Variants in PCDHGB3 observed in about 807,000 individuals in gnomAD.
The protein encoded by PCDHGB3 is protocadherin gamma-B3.
In PCDHGB3, 40 loss-of-function variants were observed where a neutral mutation model predicts 59.2. The observed-to-expected ratio is 0.68, with a 90% CI of 0.52 to 0.88. The LOEUF (loss-of-function observed/expected upper bound fraction) is 0.88. PCDHGB3 is among the 40% of genes least tolerant of loss of function. PCDHGB3 has a pLI of 0.00. For synonymous variants in PCDHGB3, 581 were observed against 503.6 expected, an observed-to-expected ratio of 1.15 and a Z score of -2.06; for missense variants, 1,309 against 1,187.9, an observed-to-expected ratio of 1.10 and a Z score of -1.50.
At chr5:141,474,148 A>G (rs773360112) in intron 1 of PCDHGB3, among the ~76,000 whole-genome samples, 4 of 152,244 alleles carry the variant, frequency 2.6e-5, no homozygotes, top group Non-Finnish European at 5.9e-5. Context: ...CTTATTATCA[A>G]GAAAATGACA....
At chr5:141,409,614 T>C in intron 1 of PCDHGB3, 1 of 1,613,880 alleles carries the variant, frequency 6.2e-7, no homozygotes, top group Non-Finnish European at 8.5e-7. Flanking sequence ...GGAGCCTCCA[T>C]TGCGCAAGTG....
chr5:141,468,229 G>A (rs1363462610), intron 1 of PCDHGB3, among the ~76,000 whole-genome samples: 4 of 150,884 alleles, frequency 2.7e-5, no homozygotes, highest in Non-Finnish European at 5.9e-5. Flanking sequence ...GGAGGATGAG[G>A]TAGGAGAATT....
intron 1 of PCDHGB3, chr5:141,408,100 G>A (rs1474827605): frequency 9.7e-6 from 14 of 1,438,178 alleles, no homozygotes; most frequent in African/African-American, 1.4e-5. Context: ...CCAGCTCCGA[G>A]ACCCGGGACT....
intron 1 of PCDHGB3, among the ~76,000 whole-genome samples, chr5:141,483,778 G>T (rs1012545478): frequency 1.6e-4 from 24 of 152,222 alleles, no homozygotes; most frequent in African/African-American, 5.8e-4. Context: ...ATTGGGGAAG[G>T]ATAAGAACTC....
chr5:141,482,981 A>C (rs1377809325), intron 1 of PCDHGB3, among the ~76,000 whole-genome samples: 1 of 150,250 alleles, frequency 6.7e-6, no homozygotes, highest in Non-Finnish European at 1.5e-5. Context: ...GCTACTTGAG[A>C]GGTCGAGGCA....
intron 1 of PCDHGB3, chr5:141,408,692 A>C: frequency 6.2e-7 from 1 of 1,613,906 alleles, no homozygotes; most frequent in Non-Finnish European, 8.5e-7. Context: ...TGATATAAAC[A>C]TAAACTCAAT....
intron 1 of PCDHGB3, chr5:141,413,755 A>G: frequency 1.2e-6 from 2 of 1,612,936 alleles, no homozygotes; most frequent in Non-Finnish European, 1.7e-6. Context: ...CAATGGCGTC[A>G]AGTACCCGGA....
intron 1 of PCDHGB3, chr5:141,423,616 G>A: frequency 6.2e-7 from 1 of 1,609,594 alleles, no homozygotes; most frequent in Admixed American, 1.7e-5. Context: ...GATAGCTGAA[G>A]ACTCAGCTAT....
Position 141,477,780 on chromosome 5 carries a change from T to C in PCDHGB3, c.2416-17027T>C. On this transcript the variant is annotated intron_variant, in intron 1 of 3. Coordinates refer to ENST00000576222, the MANE Select transcript of PCDHGB3 (RefSeq NM_018924.5). The surrounding 1 kb of genome is among the most constrained non-coding windows in gnomAD (Gnocchi z 4.9). ...CTAGCCACCAACATCAGCGTGAACA[T>C]ATTTGTCACTGATCGCAATGACAAT... 6.2e-7 allele frequency: 1 copy of C among 1,614,048 alleles called. No homozygotes were observed. Among genetic ancestry groups the C allele is most frequent in the Non-Finnish European group, 8.5e-7 (1 of 1,180,030 alleles).
intron 1 of PCDHGB3, among the ~76,000 whole-genome samples, chr5:141,445,490 C>T (rs1181158971): frequency 6.6e-6 from 1 of 152,134 alleles, no homozygotes; most frequent in Non-Finnish European, 1.5e-5. Flanking sequence ...AGTTAATGGG[C>T]CCTATTCTAA....
At chr5:141,433,662 C>T (rs1377052782) in intron 1 of PCDHGB3, among the ~76,000 whole-genome samples, 1 of 151,950 alleles carries the variant, frequency 6.6e-6, no homozygotes, top group Non-Finnish European at 1.5e-5. Context: ...ATGGAGAAAC[C>T]CCGTCTATAC....
intron 1 of PCDHGB3, 96 bp from the exon 2 acceptor site, chr5:141,494,711 A>G (rs757105958): frequency 6.3e-7 from 1 of 1,599,616 alleles, no homozygotes; most frequent in Non-Finnish European, 8.5e-7. Flanking sequence ...CTCTGTGCCC[A>G]CTCCCCTCCT....
intron 1 of PCDHGB3, among the ~76,000 whole-genome samples, chr5:141,435,245 G>A (rs577996994): frequency 6.6e-6 from 1 of 152,132 alleles, no homozygotes; most frequent in Admixed American, 6.5e-5. Context: ...ATTCTTTCTG[G>A]CCATTAGGGA....
At chr5:141,421,146 C>T in intron 1 of PCDHGB3, 1 of 1,015,090 alleles carries the variant, frequency 9.9e-7, no homozygotes, top group Non-Finnish European at 1.4e-6. Flanking sequence ...TGGATGTAGT[C>T]GGCCTAGGAC....
At chr5:141,465,714 C>T (rs1015102102) in intron 1 of PCDHGB3, among the ~76,000 whole-genome samples, 4 of 152,200 alleles carry the variant, frequency 2.6e-5, no homozygotes, top group Non-Finnish European at 5.9e-5. Context: ...AATGCCACCA[C>T]TTCCACCTCT....
intron 1 of PCDHGB3, among the ~76,000 whole-genome samples, chr5:141,449,056 G>A (rs149442150): frequency 6.6e-6 from 1 of 152,068 alleles, no homozygotes; most frequent in African/African-American, 2.4e-5. Flanking sequence ...TCATAAATGA[G>A]CGCTATTGAA....
chr5:141,422,421 T>C, intron 1 of PCDHGB3: 1 of 1,607,810 alleles, frequency 6.2e-7, no homozygotes, highest in Non-Finnish European at 8.5e-7. Context: ...TAGAAAAGAC[T>C]TATGGAAATT....
At chr5:141,392,766 C>T (rs1196100164) in intron 1 of PCDHGB3, 1 of 1,488,966 alleles carries the variant, frequency 6.7e-7, no homozygotes. Flanking sequence ...AAATAAGACC[C>T]ATTTATGCAC....
chr5:141,384,294 C>A, intron 1 of PCDHGB3: 1 of 1,613,864 alleles, frequency 6.2e-7, no homozygotes. Context: ...CTGAGAACAA[C>A]CCCAGAGGGG....
Sources: gnomAD v4.1 joint callset for allele counts (sites outside exome capture counted in the v4.1 genomes callset) on GRCh38, gnomAD v4.1.1 for gene constraint, Gnocchi (gnomAD v3.1) non-coding constraint, MANE v1.5 for transcripts, NCBI Gene and HGNC (gene_info 2026-07-23, HGNC 2026-07-21) for gene names.